NCOR1: variants seen among roughly 807,000 people sequenced by gnomAD.
NCOR1 encodes nuclear receptor corepressor 1, also known as protein phosphatase 1, regulatory subunit 109.
In NCOR1, 63 loss-of-function variants were observed where a neutral mutation model predicts 288.1. That is an observed-to-expected ratio of 0.22 (90% CI 0.18 to 0.27). The LOEUF is 0.27. Ranked by LOEUF, NCOR1 falls within the 10% of genes least tolerant of loss-of-function variation. The pLI, the probability that NCOR1 is intolerant of heterozygous loss-of-function variation, is 1.00. For missense variants in NCOR1, 2,397 were observed against 3,019.2 expected, an observed-to-expected ratio of 0.79 and a Z score of 4.83; for synonymous variants, 1,007 against 1,065.9, an observed-to-expected ratio of 0.94 and a Z score of 1.08.
intron 2 of NCOR1, chr17:16,191,924 T>C (rs2088446657): frequency 6.6e-6 from 1 of 150,942 alleles, no homozygotes; most frequent in African/African-American, 2.4e-5. Context: ...GCTACAGCTC[T>C]GGGCTATGCC....
Position 16,091,613 on chromosome 17 carries a change from C to T in NCOR1, c.3016+250G>A, listed in dbSNP as rs2065194236. 117 of 1,334,316 alleles carry T rather than the reference C, an allele frequency of 8.8e-5. 1 individual carries two copies. In the South Asian group the frequency reaches 1.9e-3, roughly 21 times the overall value. The allele number at this position is 1,334,316 out of a possible 1,614,324, so 82.7% of individuals were successfully genotyped here. A position where few individuals can be genotyped will look rare whatever the true frequency, so the allele number is the denominator to read the frequency against. ...TAACTTTATTTATAATGTCTTCCAG[C>T]ACAAAGATGAATATCAGAAAATTCA... On this transcript the variant is annotated intron_variant, in intron 22 of 45. Coordinates refer to ENST00000268712, the MANE Select transcript of NCOR1 (RefSeq NM_006311.4).
chr17:16,032,272 C>G lies in NCOR1; in HGVS notation c.*24G>C, dbSNP rs759612146. The G allele has an allele frequency of 8.2e-6, 13 of 1,584,988 alleles. No individual in the cohort carries two copies. The highest frequency in any genetic ancestry group is 1.0e-5 in the Non-Finnish European group (12 of 1,169,744). On this transcript the variant is annotated 3_prime_UTR_variant, in exon 46 of 46. Transcript: ENST00000268712. ...AAAACTAGAGATCCCTCTCCTGCACCCTGTTCCCCTCACTTTGTGCAGTTC... is the reference window on the plus strand; with the variant it reads ...AAAACTAGAGATCCCTCTCCTGCACGCTGTTCCCCTCACTTTGTGCAGTTC...
rs140151735 is a variant in NCOR1, at chr17:16,171,877, G to A, written c.361C>T (p.Arg121Cys). The A allele has an allele frequency of 6.8e-6, 11 of 1,613,276 alleles. No homozygotes were observed. Among genetic ancestry groups the A allele is most frequent in the East Asian group, 2.2e-5 (1 of 44,806 alleles). The change falls in exon 4 of 46, where the codon CGT (arginine) becomes TGT (cysteine). Residue 121 changes from arginine (R) to cysteine (C), a missense_variant. Physicochemically the swap from Arg to Cys is radical, Grantham distance 180 (BLOSUM62 -3). Coordinates refer to ENST00000268712, the MANE Select transcript of NCOR1 (RefSeq NM_006311.4). ...LEQVSDSHFQ[R>C]VSAAVLPLVH... is the part of the protein sequence containing the mutation. The stretch of plus-strand genomic sequence containing the variant: ...AAAGGCAAAACCGCAGCACTGACAC[G>A]CTGAAAATGAGAATCAGAAACCTGT...
chr17:16,207,186 CA>C (rs1410462236), intron 1 of NCOR1, among the ~76,000 whole-genome samples: 1 of 152,084 alleles, frequency 6.6e-6, no homozygotes, highest in Admixed American at 6.6e-5. Context: ...AAAAGTAACG[CA>C]AAGTTAAACA....
chr17:16,196,395 C>G (rs549039798), intron 1 of NCOR1, among the ~76,000 whole-genome samples: 11 of 152,098 alleles, frequency 7.2e-5, no homozygotes, highest in Admixed American at 3.3e-4. Context: ...ATAGGCTGGC[C>G]ACAGTGGCTC....
intron 11 of NCOR1, among the ~76,000 whole-genome samples, chr17:16,139,702 C>A (rs1236300127): frequency 3.9e-5 from 6 of 152,204 alleles, no homozygotes; most frequent in Admixed American, 2.6e-4. Context: ...GCTAATTTTA[C>A]ATCATCTTTC....
intron 40 of NCOR1, among the ~76,000 whole-genome samples, chr17:16,052,820 C>T (rs1027366117): frequency 1.3e-5 from 2 of 152,162 alleles, no homozygotes; most frequent in African/African-American, 4.8e-5. Context: ...GGCCAATATC[C>T]TTGATGAACA....
At chr17:16,152,108 CAAT>C in intron 7 of NCOR1, 110 bp from the exon 8 acceptor site, 3 of 636,854 alleles carry the variant, frequency 4.7e-6, no homozygotes, top group Non-Finnish European at 7.9e-6. Flanking sequence ...TGGATCTACA[CAAT>C]AACATGCCCT....
chr17:16,131,396 A>G (rs2075614522), intron 14 of NCOR1, among the ~76,000 whole-genome samples: 1 of 152,120 alleles, frequency 6.6e-6, no homozygotes, highest in Admixed American at 6.5e-5. Context: ...GCAAGATCAA[A>G]TAATAGTTTA....
chr17:16,066,704 T>C (rs796829414), intron 32 of NCOR1, among the ~76,000 whole-genome samples: 88 of 152,204 alleles, frequency 5.8e-4, no homozygotes, highest in Admixed American at 4.6e-4. Context: ...CCCTAAGTAA[T>C]AGGTATTGGG....
chr17:16,089,775 C>T (rs1429801893), intron 22 of NCOR1, among the ~76,000 whole-genome samples: 1 of 152,044 alleles, frequency 6.6e-6, no homozygotes, highest in Non-Finnish European at 1.5e-5. Context: ...TAACTGCAAA[C>T]ATTTAAATGT....
intron 7 of NCOR1, among the ~76,000 whole-genome samples, chr17:16,152,958 T>C (rs188782233): frequency 2.8e-3 from 427 of 152,312 alleles, no homozygotes; most frequent in African/African-American, 9.2e-3. Flanking sequence ...TATAAATCCA[T>C]TGTTTCCCAT....
At chr17:16,117,351 G>C (rs2071850140) in intron 18 of NCOR1, among the ~76,000 whole-genome samples, 1 of 152,048 alleles carries the variant, frequency 6.6e-6, no homozygotes, top group South Asian at 2.1e-4. Flanking sequence ...GATGGGCCTT[G>C]TTTGGACTGT....
intron 1 of NCOR1, among the ~76,000 whole-genome samples, chr17:16,202,446 G>A (rs2090962350): frequency 1.3e-5 from 2 of 151,010 alleles, no homozygotes; most frequent in African/African-American, 2.4e-5. Flanking sequence ...CAAAGTGGAT[G>A]ACTACATGCC....
chr17:16,050,745 T>G (rs984625005), intron 40 of NCOR1, among the ~76,000 whole-genome samples: 6 of 152,198 alleles, frequency 3.9e-5, no homozygotes, highest in Non-Finnish European at 8.8e-5. Flanking sequence ...TTTTTTTATT[T>G]ATAAAACTTG....
At chr17:16,135,428 T>C (rs187637540) in intron 14 of NCOR1, among the ~76,000 whole-genome samples, 65 of 152,286 alleles carry the variant, frequency 4.3e-4, no homozygotes, top group African/African-American at 1.4e-3. Flanking sequence ...CACCCATCAG[T>C]GTACAAGTAT....
In NCOR1 at chr17:16,039,424, A is replaced by G. The variant is rs1452151013; in HGVS notation, c.6955+9T>C. The G allele has an allele frequency of 3.1e-6, 5 of 1,610,368 alleles. No homozygotes were observed. The highest frequency in any genetic ancestry group is 4.2e-6 in the Non-Finnish European group (5 of 1,177,496). On this transcript the variant is annotated intron_variant, in intron 44 of 45. Coordinates refer to ENST00000268712, the MANE Select transcript of NCOR1 (RefSeq NM_006311.4). The stretch of plus-strand genomic sequence containing the variant: ...AAGCAGCAGAAAAGCACTAAAATGA[A>G]AGCTGTACCTGAATGAGGTGATGGG...
intron 14 of NCOR1, among the ~76,000 whole-genome samples, chr17:16,127,210 T>C (rs1429771633): frequency 6.8e-6 from 1 of 147,178 alleles, no homozygotes; most frequent in Non-Finnish European, 1.5e-5. Flanking sequence ...TGTATGTATA[T>C]ATCTGTATGT....
At chr17:16,036,815 ATCT>A (rs1343723007) in intron 44 of NCOR1, among the ~76,000 whole-genome samples, 1 of 152,132 alleles carries the variant, frequency 6.6e-6, no homozygotes, top group African/African-American at 2.4e-5. Context: ...GACCACTAAA[ATCT>A]TCTGTGTGTC....
Sources: allele counts gnomAD v4.1 joint callset (sites outside exome capture counted in the v4.1 genomes callset), GRCh38; gene constraint gnomAD v4.1.1; transcripts MANE v1.5; gene names NCBI Gene and HGNC (gene_info 2026-07-23, HGNC 2026-07-21).